Variants in TBX20 observed in about 807,000 individuals in gnomAD.
TBX20 encodes the protein T-box transcription factor TBX20.
Under a neutral mutation model 42.9 loss-of-function variants are expected in TBX20, and 8 were observed. That is an observed-to-expected ratio of 0.19 (90% CI 0.11 to 0.34). TBX20 has a LOEUF of 0.34. Among genes scored for constraint, TBX20 ranks in the 10% least tolerant of loss-of-function variants. TBX20 has a pLI of 1.00. For synonymous variants in TBX20, 198 were observed against 222.8 expected, an observed-to-expected ratio of 0.89 and a Z score of 0.99; for missense variants, 411 against 566.0, an observed-to-expected ratio of 0.73 and a Z score of 2.78.
intron 6 of TBX20, among the ~76,000 whole-genome samples, chr7:35,212,748 C>A (rs1185380505): frequency 2.0e-5 from 3 of 152,192 alleles, no homozygotes; most frequent in Non-Finnish European, 4.4e-5. Context: ...CAGGCATTAT[C>A]CCTGGGTGAC....
intron 6 of TBX20, among the ~76,000 whole-genome samples, chr7:35,227,715 T>C (rs1789799073): frequency 6.6e-6 from 1 of 152,144 alleles, no homozygotes; most frequent in South Asian, 2.1e-4. Flanking sequence ...AAGTGACTCA[T>C]GACTATACAT....
intron 6 of TBX20, among the ~76,000 whole-genome samples, chr7:35,228,007 G>T (rs1789804614): frequency 6.6e-6 from 1 of 151,934 alleles, no homozygotes; most frequent in Admixed American, 6.6e-5. Context: ...TCCATTGCAT[G>T]ATTATGAATT....
Position 35,233,570 on chromosome 7 carries a change from T to A in TBX20, c.814-1990A>T, listed in dbSNP as rs528180029. On this transcript the variant is annotated intron_variant, in intron 5 of 7. Coordinates refer to ENST00000408931, the MANE Select transcript of TBX20 (RefSeq NM_001077653.2). ...CTCTGAAGAATGAAGCCTTGTTTCA[T>A]CCACTTATTCCGACTAGGACTTGTT... Among the ~76,000 whole-genome samples, 13 of 152,356 alleles carry A rather than the reference T, an allele frequency of 8.5e-5. No homozygotes were observed. The South Asian group carries it at 2.7e-3, about 32-fold the overall frequency.
intron 6 of TBX20, among the ~76,000 whole-genome samples, chr7:35,215,718 T>A (rs374442292): frequency 6.6e-6 from 1 of 152,138 alleles, no homozygotes; most frequent in South Asian, 2.1e-4. Flanking sequence ...CTTTAAAACA[T>A]CTCCTCTGAC....
chr7:35,210,277 G>A (rs1436756968), intron 6 of TBX20, among the ~76,000 whole-genome samples: 1 of 151,734 alleles, frequency 6.6e-6, no homozygotes, highest in African/African-American at 2.4e-5. Context: ...ACCACGCCTG[G>A]CTAATTTTTT....
chr7:35,246,921 AG>A (rs1790200737), intron 3 of TBX20, among the ~76,000 whole-genome samples: 1 of 152,118 alleles, frequency 6.6e-6, no homozygotes, highest in South Asian at 2.1e-4. Context: ...AAAAATATAC[AG>A]GAAGCCCCTC....
Position 35,244,955 on chromosome 7 carries a change from A to T in TBX20, c.648T>A (p.His216Gln). ...TCCAAGGCATGGTACTTACATGGCC[A>T]TGTTGATCCAGTTCATTGTTGGTGA... ...VKLTNNELDQ[H>Q]GHIILNSMHK... Residue 216 changes from histidine (H) to glutamine (Q), a missense_variant, in exon 4 of 8, where the codon CAT (histidine) becomes CAA (glutamine). Around this residue, in one of 5 missense-constraint regions of TBX20, gnomAD observed 121 missense variants for 165.9 expected, o/e 0.73. Transcript: ENST00000408931. 5 of 1,612,594 alleles carry T rather than the reference A, an allele frequency of 3.1e-6. No homozygotes were observed. Among genetic ancestry groups the T allele is most frequent in the Non-Finnish European group, 4.2e-6 (5 of 1,178,672 alleles).
rs774382309 is a variant in TBX20 at position 35,253,502 on chromosome 7, T to C, written c.119A>G (p.Lys40Arg). ...CGGGTAGCCCAACTTACCCAGGGGT[T>C]TGATTGTGTTCTCCGTCGCCTCCTT... ...KEKEATENTIKPLEQFVEKSS... is the reference protein window; with the variant it reads ...KEKEATENTIRPLEQFVEKSS... Residue 40 changes from lysine (K) to arginine (R), a missense_variant, in exon 1 of 8, where the codon AAA becomes AGA. Lys to Arg is a conservative substitution (Grantham distance 26). Coordinates refer to ENST00000408931, the MANE Select transcript of TBX20 (RefSeq NM_001077653.2). The C allele has an allele frequency of 6.2e-7, 1 of 1,610,974 alleles. No homozygotes were observed. The highest frequency in any genetic ancestry group is 8.5e-7 in the Non-Finnish European group (1 of 1,179,182).
intron 6 of TBX20, among the ~76,000 whole-genome samples, chr7:35,215,870 C>T (rs1453721612): frequency 5.3e-5 from 8 of 152,162 alleles, no homozygotes; most frequent in Admixed American, 2.6e-4. Flanking sequence ...ATTTGGACTA[C>T]TTATTCAACC....
chr7:35,204,018 G>C (rs1216404667), intron 7 of TBX20, among the ~76,000 whole-genome samples: 1 of 152,136 alleles, frequency 6.6e-6, no homozygotes, highest in Non-Finnish European at 1.5e-5. Context: ...CCTTCATTAG[G>C]ACAATCCTCT....
chr7:35,253,896 G>A lies in TBX20; in HGVS notation c.-276C>T, dbSNP rs1335149038. 1 of 459,414 alleles carries A rather than the reference G, an allele frequency of 2.2e-6. No homozygotes were observed. Among genetic ancestry groups the A allele is most frequent in the South Asian group, 2.6e-5 (1 of 38,586 alleles). 28.5% of individuals were successfully genotyped at this position (459,414 alleles called of 1,614,324 possible). A position where few individuals can be genotyped will look rare whatever the true frequency, so the allele number is the denominator to read the frequency against. On this transcript the variant is annotated 5_prime_UTR_variant, in exon 1 of 8. The change creates a premature stop within an existing upstream ORF in the 5' untranslated region. Transcript: ENST00000408931. The stretch of plus-strand genomic sequence containing the variant: ...CGGGTGCGCACGCCCCGGGGCGCTC[G>A]GCAGGACGACAGTCTGCACAGCCCG...
At chr7:35,229,747 G>T (rs1244813769) in intron 6 of TBX20, among the ~76,000 whole-genome samples, 5 of 151,980 alleles carry the variant, frequency 3.3e-5, no homozygotes, top group Non-Finnish European at 5.9e-5. Context: ...GAGTTACATG[G>T]GATAAAAGTT....
At chr7:35,242,328 G>C (rs1404787120) in intron 4 of TBX20, among the ~76,000 whole-genome samples, 1 of 152,084 alleles carries the variant, frequency 6.6e-6, no homozygotes, top group East Asian at 1.9e-4. Context: ...ACTGGAACAG[G>C]AATAACTGAA....
At chr7:35,207,608 T>C (rs974547150) in intron 6 of TBX20, among the ~76,000 whole-genome samples, 1 of 152,330 alleles carries the variant, frequency 6.6e-6, no homozygotes, top group South Asian at 2.1e-4. Flanking sequence ...GTAAGTGTTA[T>C]AGTGTGAGGT....
At chr7:35,230,985 G>A (rs1326614279) in intron 6 of TBX20, among the ~76,000 whole-genome samples, 3 of 152,144 alleles carry the variant, frequency 2.0e-5, no homozygotes, top group Admixed American at 1.3e-4. Flanking sequence ...GATTTCACTT[G>A]TCTTCTTAGA....
At chr7:35,226,862 CA>C (rs562808802) in intron 6 of TBX20, among the ~76,000 whole-genome samples, 72 of 143,990 alleles carry the variant, frequency 5.0e-4, no homozygotes, top group African/African-American at 8.6e-4. Flanking sequence ...TTCTACTTAT[CA>C]AAAAAAAAAA....
At chr7:35,207,482 A>C (rs1202060292) in intron 6 of TBX20, among the ~76,000 whole-genome samples, 2 of 152,110 alleles carry the variant, frequency 1.3e-5, no homozygotes, top group Non-Finnish European at 2.9e-5. Context: ...CAGAGTTTTT[A>C]ATTTTGATGA....
Position 35,204,521 on chromosome 7 carries a change from C to T in TBX20, c.952G>A (p.Gly318Arg), listed in dbSNP as rs754622149. The T allele has an allele frequency of 3.1e-6, 5 of 1,613,984 alleles. No individual in the cohort carries two copies. The South Asian group carries it at 3.3e-5, about 11-fold the overall frequency. Residue 318 changes from glycine (G) to arginine (R), a missense_variant, in exon 7 of 8, where the codon GGA (glycine) becomes AGA (arginine). Gly to Arg is a moderately radical substitution (Grantham distance 125). This residue lies in a region of TBX20 where 162 missense variants were observed against 205.4 expected (regional missense o/e 0.79). Coordinates refer to ENST00000408931, the MANE Select transcript of TBX20 (RefSeq NM_001077653.2). The stretch of plus-strand genomic sequence containing the variant: ...TCCCCCAAGACATCTTCTTCTCCTC[C>T]GTAGGTACGGATGGGTGAGCGTGCA... ...SYARSPIRTY[G>R]GEEDVLGDES... is the part of the protein sequence containing the mutation.
At chr7:35,225,704 T>C (rs1462953967) in intron 6 of TBX20, among the ~76,000 whole-genome samples, 1 of 152,224 alleles carries the variant, frequency 6.6e-6, no homozygotes. Context: ...ACTGTAAAGA[T>C]ATCGATTTTC....
Sources: allele counts gnomAD v4.1 joint callset (sites outside exome capture counted in the v4.1 genomes callset), GRCh38; gene constraint gnomAD v4.1.1; regional missense constraint gnomAD v4.1.1; transcripts MANE v1.5; gene names NCBI Gene and HGNC (gene_info 2026-07-23, HGNC 2026-07-21).